The following ATP12A variants were observed in gnomAD, a reference collection of about 807,000 sequenced individuals.
The protein encoded by ATP12A is potassium-transporting ATPase alpha chain 2.
In ATP12A, 81 loss-of-function variants were observed where a neutral mutation model predicts 111.2. That is an observed-to-expected ratio of 0.73 (90% CI 0.61 to 0.88). ATP12A has a LOEUF of 0.88. ATP12A is among the 40% of genes least tolerant of loss of function. ATP12A has a pLI of 0.00. For missense variants in ATP12A, 1,196 were observed against 1,313.1 expected (o/e 0.91, Z 1.38); for synonymous variants, 498 against 499.8 (o/e 1.00, Z 0.05).
rs370998055 is a variant in ATP12A, at chr13:24,711,523, G to A, written c.*1G>A. ...GTGGGATAAGAACATGTATTATTAA[G>A]ACCACCTCCCTTCCTATGTCTCTCA... On this transcript the variant is annotated 3_prime_UTR_variant, in exon 23 of 23. Transcript: ENST00000381946. 9 of 1,613,942 alleles carry A rather than the reference G, an allele frequency of 5.6e-6. No homozygotes were observed. The African/African-American group carries it at 1.1e-4, about 19-fold the overall frequency.
chr13:24,687,696 C>T (rs1361518511), intron 3 of ATP12A, among the ~76,000 whole-genome samples: 3 of 152,196 alleles, frequency 2.0e-5, no homozygotes, highest in Non-Finnish European at 4.4e-5. Context: ...TGAATGAGAA[C>T]TTAGGCTGGA....
chr13:24,692,327 C>T (rs1874939297), intron 8 of ATP12A, 102 bp from the exon 9 acceptor site: 2 of 1,277,644 alleles, frequency 1.6e-6, no homozygotes, highest in African/African-American at 1.5e-5. Context: ...TAGTCCAGCT[C>T]TCTCCTAAAA....
At chr13:24,696,968 A>G (rs535079496) in intron 11 of ATP12A, among the ~76,000 whole-genome samples, 19 of 152,252 alleles carry the variant, frequency 1.2e-4, no homozygotes, top group Non-Finnish European at 2.8e-4. Flanking sequence ...TGGTCTGTTA[A>G]GACATTTGAA....
intron 14 of ATP12A, chr13:24,703,457 G>T (rs933309460): frequency 6.6e-5 from 10 of 152,206 alleles, no homozygotes; most frequent in African/African-American, 2.4e-4. Flanking sequence ...GGCCAGGCTG[G>T]TCTCAAACTC....
intron 16 of ATP12A, 32 bp from the exon 17 acceptor site, chr13:24,707,247 G>T: frequency 6.2e-7 from 1 of 1,613,942 alleles, no homozygotes; most frequent in South Asian, 1.1e-5. Context: ...GGGACTAGAA[G>T]TAAGTTCTGA....
chr13:24,701,794 G>T, intron 13 of ATP12A, 141 bp from the exon 14 acceptor site: 2 of 1,084,472 alleles, frequency 1.8e-6, no homozygotes, highest in Non-Finnish European at 2.7e-6. Context: ...AAAGACAGTT[G>T]TCTCGTAGAT....
rs770418503 is a variant in ATP12A, at chr13:24,698,625, T to C, written c.1513-33T>C. On this transcript the variant is annotated intron_variant, in intron 11 of 22. Coordinates refer to ENST00000381946, the MANE Select transcript of ATP12A (RefSeq NM_001676.7). ...GAAGAAGGAATGCGTTTCACCTTTC[T>C]GTAAGTAACACGCTCAGTTCATTCC... 6.9e-6 allele frequency: 11 copies of C among 1,601,378 alleles called. 1 individual carries two copies. The Admixed American group carries it at 1.2e-4, about 17-fold the overall frequency.
rs201512800 is a variant in ATP12A, at chr13:24,688,398, A to G, written c.308A>G (p.Glu103Gly). Reference sequence around the variant, plus strand: ...CTCACCCCTCCCAAGCAGACGCCTGAGATCGTCAAGTTCCTCAAGCAGATG... The same window carrying G: ...CTCACCCCTCCCAAGCAGACGCCTGGGATCGTCAAGTTCCTCAAGCAGATG... ...NSLTPPKQTP[E>G]IVKFLKQMVG... is the part of the protein sequence containing the mutation. The change falls in exon 4 of 23, where the codon GAG (glutamate) becomes GGG (glycine). Residue 103 changes from glutamate (E) to glycine (G), a missense_variant. Physicochemically the swap from Glu to Gly is moderately conservative, Grantham distance 98. Coordinates refer to ENST00000381946, the MANE Select transcript of ATP12A (RefSeq NM_001676.7). 8 of 1,614,154 alleles carry G rather than the reference A, an allele frequency of 5.0e-6. No homozygotes were observed. The highest frequency in any genetic ancestry group is 2.2e-5 in the East Asian group (1 of 44,876).
chr13:24,694,323 G>A, intron 10 of ATP12A, 121 bp from the exon 11 acceptor site: 1 of 1,294,766 alleles, frequency 7.7e-7, no homozygotes, highest in East Asian at 2.3e-5. Flanking sequence ...CCCTGATCAC[G>A]TGATAATGTC....
chr13:24,682,045 TGG>T (rs1874471931), intron 2 of ATP12A, among the ~76,000 whole-genome samples: 1 of 112,120 alleles, frequency 8.9e-6, no homozygotes, highest in Non-Finnish European at 1.9e-5. Context: ...TGTATGTGTG[TGG>T]TGTGTGTGTA....
chr13:24,691,065 G>C lies in ATP12A; in HGVS notation c.883G>C (p.Glu295Gln). The part of the protein sequence containing the change: ...IASLASGVGN[E>Q]KTPIAIEIEH... ...CTCATTGGCCTCAGGAGTTGGAAAT[G>C]AGAAGACGCCCATTGCCATTGAGAT... The change falls in exon 8 of 23, where the codon GAG becomes CAG. Residue 295 changes from glutamate (E) to glutamine (Q), a missense_variant. This residue lies in a region of ATP12A where 1,126 missense variants were observed against 1,228.5 expected (regional missense o/e 0.92). Transcript: ENST00000381946. 1.2e-6 allele frequency: 2 copies of C among 1,614,228 alleles called. No homozygotes were observed. The highest frequency in any genetic ancestry group is 1.7e-6 in the Non-Finnish European group (2 of 1,180,046).
chr13:24,703,346 G>A (rs1032529800), intron 14 of ATP12A, among the ~76,000 whole-genome samples: 18 of 152,028 alleles, frequency 1.2e-4, no homozygotes, highest in African/African-American at 4.1e-4. Context: ...GGGTTCAAGC[G>A]ATTCTCCTGC....
chr13:24,694,178 A>G (rs1476408951), intron 10 of ATP12A, among the ~76,000 whole-genome samples: 1 of 152,106 alleles, frequency 6.6e-6, no homozygotes, highest in Non-Finnish European at 1.5e-5. Flanking sequence ...TAACCCACCT[A>G]TCTATCAAGA....
chr13:24,708,887 A>AAGGAAAG (rs1875791826), intron 17 of ATP12A, among the ~76,000 whole-genome samples: 1 of 122,718 alleles, frequency 8.1e-6, no homozygotes, highest in Non-Finnish European at 1.7e-5. Context: ...AGAGAGAAAG[A>AAGGAAAG]GAAAGAAAGA....
Position 24,711,300 on chromosome 13 carries a change from C to T in ATP12A, c.3000-18C>T. On this transcript the variant is annotated intron_variant, in intron 21 of 22. Coordinates refer to ENST00000381946, the MANE Select transcript of ATP12A (RefSeq NM_001676.7). ...CTGTGGATGAGTCAGGGTTCACTTT[C>T]CATCCCTTTGCTTCCAGGGCTCAGT... 1 of 1,580,752 alleles carries T rather than the reference C, an allele frequency of 6.3e-7. No homozygotes were observed. The highest frequency in any genetic ancestry group is 8.6e-7 in the Non-Finnish European group (1 of 1,161,566).
intron 17 of ATP12A, among the ~76,000 whole-genome samples, chr13:24,708,964 G>GAAAGAAAGGAAGGAAGAAAGAAAGAAA (rs1566078416): frequency 1.7e-5 from 2 of 114,732 alleles, no homozygotes; most frequent in African/African-American, 6.6e-5. Flanking sequence ...AAAGAAAGAA[G>GAAAGAAAGGAAGGAAGAAAGAAAGAAA]GAAAGAGAAA....
chr13:24,711,259 C>A, intron 21 of ATP12A, 59 bp from the exon 22 acceptor site: 1 of 1,466,404 alleles, frequency 6.8e-7, no homozygotes, highest in Non-Finnish European at 9.3e-7. Context: ...TCCCATTGGG[C>A]AGGGTTGGGC....
chr13:24,701,833 C>T lies in ATP12A; in HGVS notation c.1882-102C>T, dbSNP rs1049649692. The T allele has an allele frequency of 7.2e-5, 106 of 1,470,066 alleles. 1 individual carries two copies. The South Asian group carries it at 1.1e-3, about 16-fold the overall frequency. 91.1% of individuals were successfully genotyped at this position (1,470,066 alleles called of 1,614,324 possible). On this transcript the variant is annotated intron_variant, in intron 13 of 22. Transcript: ENST00000381946. Reference sequence around the variant, plus strand: ...GAGCTGCCACTGTAATCACCAACCACGTTCTCCCAGGGCACTACAGAGTAG... The same window carrying T: ...GAGCTGCCACTGTAATCACCAACCATGTTCTCCCAGGGCACTACAGAGTAG...
rs1054730424 is a variant in ATP12A at position 24,680,726 on chromosome 13, C to T, written c.-18C>T. 1 of 1,501,538 alleles carries T rather than the reference C, an allele frequency of 6.7e-7. No homozygotes were observed. Among genetic ancestry groups the T allele is most frequent in the Non-Finnish European group, 8.8e-7 (1 of 1,132,754 alleles). The allele number at this position is 1,501,538 out of a possible 1,614,324, so 93.0% of individuals were successfully genotyped here. On this transcript the variant is annotated 5_prime_UTR_variant, in exon 1 of 23. Transcript: ENST00000381946. Reference sequence around the variant, plus strand: ...ATCCGCGCTCCACGCCCGCAGCCCGCGGCGCCACCAGCCCAGCATGCACCA... The same window carrying T: ...ATCCGCGCTCCACGCCCGCAGCCCGTGGCGCCACCAGCCCAGCATGCACCA...
Sources: allele counts gnomAD v4.1 joint callset (sites outside exome capture counted in the v4.1 genomes callset), GRCh38; gene constraint gnomAD v4.1.1; regional missense constraint gnomAD v4.1.1; transcripts MANE v1.5; gene names NCBI Gene and HGNC (gene_info 2026-07-23, HGNC 2026-07-21).